Variants in USP45 observed in about 807,000 individuals in gnomAD.
USP45 encodes the protein ubiquitin carboxyl-terminal hydrolase 45.
Under a neutral mutation model 95.8 loss-of-function variants are expected in USP45, and 89 were observed. The ratio of observed to expected loss-of-function variants is 0.93; its 90% confidence interval spans 0.78 to 1.11. USP45 has a LOEUF of 1.11. Among genes scored for constraint, USP45 ranks in the 50% least tolerant of loss-of-function variants. The pLI, the probability that USP45 is intolerant of heterozygous loss-of-function variation, is 0.00. For missense variants in USP45, 898 were observed against 942.5 expected, an observed-to-expected ratio of 0.95 and a Z score of 0.62; for synonymous variants, 281 against 316.2, an observed-to-expected ratio of 0.89 and a Z score of 1.18.
In USP45 at chr6:99,445,852, T is replaced by C. The variant is rs748643249; in HGVS notation, c.1920A>G (p.Leu640=). The C allele has an allele frequency of 1.7e-5, 28 of 1,605,650 alleles. No individual in the cohort carries two copies. Among genetic ancestry groups the C allele is most frequent in the Non-Finnish European group, 2.4e-5 (28 of 1,178,008 alleles). ...GTTTGTTTTTAGTACAATTCTCACA[T>C]AGAAGCTTATTATTCCCCATTAGTA... is the stretch of plus-strand genomic sequence containing the variant. ...MELLMGNNKL[L]CENCTKNKQK... is the part of the protein sequence containing the mutation. The change falls in exon 14 of 18, where the codon CTA becomes CTG. Residue 640 remains leucine, a synonymous_variant. Transcript: ENST00000500704.
intron 13 of USP45, among the ~76,000 whole-genome samples, chr6:99,449,069 T>C (rs894408007): frequency 6.6e-6 from 1 of 152,052 alleles, no homozygotes; most frequent in Admixed American, 6.5e-5. Flanking sequence ...AGCAAAAACA[T>C]GCCAAACTGT....
chr6:99,451,980 T>C (rs913761824), intron 13 of USP45, among the ~76,000 whole-genome samples: 47 of 152,338 alleles, frequency 3.1e-4, no homozygotes, highest in African/African-American at 1.1e-3. Context: ...TAGCCATATG[T>C]AGAAAGCTGA....
chr6:99,503,823 CT>C lies in USP45; in HGVS notation c.419del (p.Lys140ArgfsTer7). ...CDEKLSTHCNKKVLAQIVDFL... is the reference protein window; with the variant it reads ...CDEKLSTHCNXKVLAQIVDFL... ...AATCAACTATCTGAGCCAAAACCTT[CT>C]TATTACAATGCGTTGATAATTTTTC... On this transcript the variant is annotated frameshift_variant, in exon 5 of 18. Coordinates refer to ENST00000500704, the MANE Select transcript of USP45 (RefSeq NM_001346022.3). LOFTEE classifies it high-confidence loss of function. 6.2e-7 allele frequency: 1 copy of C among 1,600,698 alleles called. No homozygotes were observed.
At chr6:99,437,092 G>GAA (rs1780626910) in intron 17 of USP45, among the ~76,000 whole-genome samples, 154 bp downstream of exon 17, 2 of 128,392 alleles carry the variant, frequency 1.6e-5, no homozygotes, top group African/African-American at 5.6e-5. Context: ...CTGAGACTCT[G>GAA]TCTCAATCAA....
chr6:99,481,927 C>T (rs545710139), intron 8 of USP45, among the ~76,000 whole-genome samples: 3 of 152,096 alleles, frequency 2.0e-5, no homozygotes, highest in Non-Finnish European at 4.4e-5. Flanking sequence ...TTTTTTTGGT[C>T]CTCAGGCTTT....
chr6:99,452,737 T>C (rs561052603), intron 13 of USP45, among the ~76,000 whole-genome samples: 16 of 152,344 alleles, frequency 1.1e-4, no homozygotes, highest in South Asian at 4.1e-4. Context: ...CGTATGTTTA[T>C]TGTGGCACTA....
chr6:99,462,393 C>T lies in USP45; in HGVS notation c.1308+2211G>A, dbSNP rs376664379. ...GCGGATGTATTAAAACTACTTTGGC[C>T]AGTACCACAGAATCTCCTAACTCTT... is the stretch of plus-strand genomic sequence containing the variant. On this transcript the variant is annotated intron_variant, in intron 13 of 17. Coordinates refer to ENST00000500704, the MANE Select transcript of USP45 (RefSeq NM_001346022.3). The T allele has an allele frequency of 4.6e-4, 456 of 984,236 alleles. 2 individuals are homozygous for T. The African/African-American group carries it at 7.7e-3, about 17-fold the overall frequency. 61.0% of individuals were successfully genotyped at this position (984,236 alleles called of 1,614,324 possible).
intron 15 of USP45, among the ~76,000 whole-genome samples, chr6:99,442,739 T>C (rs574856626): frequency 7.9e-5 from 12 of 152,094 alleles, no homozygotes; most frequent in Non-Finnish European, 1.6e-4. Flanking sequence ...CTCAGCTACT[T>C]GGGAGGCTGA....
Position 99,461,934 on chromosome 6 carries a change from T to C in USP45, c.1308+2670A>G, listed in dbSNP as rs1786545845. ...TAACTACTGAATCATTCTGGTTCCA[T>C]GATTAAACTGGTTCTGTAGTTGAAC... is the stretch of plus-strand genomic sequence containing the variant. On this transcript the variant is annotated intron_variant, in intron 13 of 17. Transcript: ENST00000500704. 31 of 985,372 alleles carry C rather than the reference T, an allele frequency of 3.1e-5. No individual in the cohort carries two copies. In the South Asian group the frequency reaches 1.0e-3, roughly 33 times the overall value. 61.0% of individuals were successfully genotyped at this position (985,372 alleles called of 1,614,324 possible). A position where few individuals can be genotyped will look rare whatever the true frequency, so the allele number is the denominator to read the frequency against.
chr6:99,462,356 T>G lies in USP45; in HGVS notation c.1308+2248A>C, dbSNP rs1005048117. 39 of 984,856 alleles carry G rather than the reference T, an allele frequency of 4.0e-5. 1 individual carries two copies. The highest frequency in any genetic ancestry group is 3.8e-4 in the South Asian group (8 of 21,280). The allele number at this position is 984,856 out of a possible 1,614,324, so 61.0% of individuals were successfully genotyped here. A position where few individuals can be genotyped will look rare whatever the true frequency, so the allele number is the denominator to read the frequency against. ...TACTGTGTGGAAAGTATTTCTCTCA[T>G]ACATTTGGATAGCGGATGTATTAAA... On this transcript the variant is annotated intron_variant, in intron 13 of 17. Transcript: ENST00000500704.
chr6:99,465,038 T>C (rs1787575562), intron 12 of USP45, 42 bp downstream of exon 12: 2 of 1,468,044 alleles, frequency 1.4e-6, no homozygotes. Context: ...AATGATTAAA[T>C]GTTCTTCACC....
intron 11 of USP45, among the ~76,000 whole-genome samples, chr6:99,465,920 A>T (rs1787843188): frequency 6.6e-6 from 1 of 152,214 alleles, no homozygotes; most frequent in Non-Finnish European, 1.5e-5. Context: ...AAGTGAGTGA[A>T]GTCTACACAA....
At position 99,468,529 on chromosome 6, in the gene USP45, C is replaced by T. The variant is rs368739864; in HGVS notation, c.1015+8G>A. Reference sequence around the variant, plus strand: ...AAAGAAAAAAGTTTTAACAAAGAGTCAACATACCTTTGACTTTTTTTCTAG... The same window carrying T: ...AAAGAAAAAAGTTTTAACAAAGAGTTAACATACCTTTGACTTTTTTTCTAG... On this transcript the variant is annotated splice_region_variant and intron_variant, in intron 10 of 17. Coordinates refer to ENST00000500704, the MANE Select transcript of USP45 (RefSeq NM_001346022.3). 1.1e-4 allele frequency: 170 copies of T among 1,576,310 alleles called. No individual in the cohort carries two copies. The African/African-American group carries it at 2.1e-3, about 19-fold the overall frequency.
intron 5 of USP45, among the ~76,000 whole-genome samples, chr6:99,494,067 C>A (rs781166786): frequency 6.6e-6 from 1 of 152,100 alleles, no homozygotes; most frequent in African/African-American, 2.4e-5. Flanking sequence ...TTCTTTTGTT[C>A]TCCTAAAGTT....
At chr6:99,462,991 T>C in intron 13 of USP45, among the ~76,000 whole-genome samples, 1 of 152,038 alleles carries the variant, frequency 6.6e-6, no homozygotes, top group Non-Finnish European at 1.5e-5. Context: ...CAATAATTAA[T>C]TAATTAATTA....
chr6:99,437,129 A>G lies in USP45; in HGVS notation c.2314+117T>C, dbSNP rs995749478. The G allele has an allele frequency of 9.7e-6, 11 of 1,129,170 alleles. No homozygotes were observed. In the Admixed American group the frequency reaches 2.0e-4, roughly 20 times the overall value. 69.9% of individuals were successfully genotyped at this position (1,129,170 alleles called of 1,614,324 possible). The stretch of plus-strand genomic sequence containing the variant: ...CAATCAATCAATCAATTAAGTTAAA[A>G]TAAAGCAAGCAAGCAAATCCACTAG... On this transcript the variant is annotated intron_variant, in intron 17 of 17. Transcript: ENST00000500704.
At chr6:99,449,346 C>CA (rs915222235) in intron 13 of USP45, among the ~76,000 whole-genome samples, 1 of 151,516 alleles carries the variant, frequency 6.6e-6, no homozygotes, top group African/African-American at 2.4e-5. Context: ...AAATGGAAAA[C>CA]AAAAAAAGGC....
chr6:99,503,010 G>A (rs1466608925), intron 5 of USP45, among the ~76,000 whole-genome samples: 5 of 152,034 alleles, frequency 3.3e-5, no homozygotes. Flanking sequence ...ACCCAATCTC[G>A]GGTATTTATA....
rs757918147 is a variant in USP45, at chr6:99,488,745, C to A, written c.554G>T (p.Arg185Ile). 11 of 1,608,156 alleles carry A rather than the reference C, an allele frequency of 6.8e-6. No individual in the cohort carries two copies. In the South Asian group the frequency reaches 1.2e-4, roughly 18 times the overall value. ...TGTAATTCCTCTTACAGATAAATTT[C>A]TGCATTTTCCTCCCTTCTGTATTTC... ...TDEIQKGGKC[R>I]NLSVRGITNL... Residue 185 changes from arginine (R) to isoleucine (I), a missense_variant, in exon 6 of 18, where the codon AGA (arginine) becomes ATA (isoleucine). Transcript: ENST00000500704.
Sources: allele counts gnomAD v4.1 joint callset (sites outside exome capture counted in the v4.1 genomes callset), GRCh38; gene constraint gnomAD v4.1.1; transcripts MANE v1.5; gene names NCBI Gene and HGNC (gene_info 2026-07-23, HGNC 2026-07-21).